Variants in MYO1E observed in about 807,000 individuals in gnomAD.
The protein encoded by MYO1E is unconventional myosin-Ie.
Under a neutral mutation model 151.1 loss-of-function variants are expected in MYO1E, and 68 were observed. The ratio of observed to expected loss-of-function variants is 0.45; its 90% CI spans 0.37 to 0.55. The LOEUF (loss-of-function observed/expected upper bound fraction) is 0.55. Ranked by LOEUF, MYO1E falls within the 20% of genes least tolerant of loss-of-function variation. The pLI is 0.00. For synonymous variants in MYO1E, 601 were observed against 501.7 expected (o/e 1.20, Z -2.64); for missense variants, 1,363 against 1,389.3 (o/e 0.98, Z 0.30).
At chr15:59,195,381 C>T (rs2079760112) in intron 17 of MYO1E, 80 bp downstream of exon 17, 1 of 1,261,322 alleles carries the variant, frequency 7.9e-7, no homozygotes, top group East Asian at 2.3e-5. Flanking sequence ...TGACACTGCT[C>T]CTGCCTGTGA....
intron 12 of MYO1E, among the ~76,000 whole-genome samples, chr15:59,212,271 G>A (rs2079883766): frequency 6.6e-6 from 1 of 151,988 alleles, no homozygotes; most frequent in African/African-American, 2.4e-5. Flanking sequence ...GGACTTAGAT[G>A]GCAATGGGAG....
At chr15:59,267,325 G>A (rs1392377898) in intron 2 of MYO1E, among the ~76,000 whole-genome samples, 3 of 151,642 alleles carry the variant, frequency 2.0e-5, no homozygotes, top group African/African-American at 7.3e-5. Flanking sequence ...GTGCCCAGCC[G>A]GTTAAAATCT....
chr15:59,220,086 T>TC (rs1448342243), intron 9 of MYO1E, among the ~76,000 whole-genome samples: 2 of 152,222 alleles, frequency 1.3e-5, no homozygotes, highest in Non-Finnish European at 2.9e-5. Flanking sequence ...TTGTTTAGCT[T>TC]CACAGCAACG....
intron 2 of MYO1E, among the ~76,000 whole-genome samples, chr15:59,267,660 T>TA (rs1329374820): frequency 6.6e-6 from 1 of 152,204 alleles, no homozygotes. Context: ...GGTCTTTGAG[T>TA]AAAAACAAGT....
At chr15:59,176,248 G>T (rs1374042090) in intron 19 of MYO1E, among the ~76,000 whole-genome samples, 1 of 152,132 alleles carries the variant, frequency 6.6e-6, no homozygotes, top group Non-Finnish European at 1.5e-5. Flanking sequence ...TTTTAGTAGA[G>T]ATGGGGTTTC....
intron 1 of MYO1E, among the ~76,000 whole-genome samples, chr15:59,340,517 C>T (rs1263541650): frequency 1.3e-5 from 2 of 152,034 alleles, no homozygotes; most frequent in African/African-American, 4.8e-5. Context: ...TTTTCTATGA[C>T]GTCACTCACT....
chr15:59,151,298 C>T (rs1175971292), intron 26 of MYO1E, among the ~76,000 whole-genome samples: 1 of 151,866 alleles, frequency 6.6e-6, no homozygotes, highest in African/African-American at 2.4e-5. Flanking sequence ...GGTGTGGTGG[C>T]ACGCACCTGT....
rs1596364166 is a variant in MYO1E at position 59,205,459 on chromosome 15, ACAAAAGCCATC to A, written c.1546_1556del (p.Asp516Ter). 1 of 1,614,210 alleles carries A rather than the reference ACAAAAGCCATC, an allele frequency of 6.2e-7. No homozygotes were observed. The highest frequency in any genetic ancestry group is 1.3e-5 in the African/African-American group (1 of 75,056). Reference sequence around the variant, plus strand: ...TAAAAAGCACATCCCGGTTCCTTTCACAAAAGCCATCCATGTCATAGGATACCTGGCCAAGA... The same window carrying A: ...TAAAAAGCACATCCCGGTTCCTTTCACATGTCATAGGATACCTGGCCAAGA... On this transcript the variant is annotated frameshift_variant, in exon 15 of 28. Transcript: ENST00000288235. LOFTEE classifies it high-confidence loss of function.
At chr15:59,319,886 G>C (rs113923686) in intron 1 of MYO1E, among the ~76,000 whole-genome samples, 4,996 of 152,048 alleles carry the variant, frequency 0.033, 266 homozygotes, top group African/African-American at 0.11. Context: ...TGGGCAACAA[G>C]AGCAAAACTC....
In MYO1E at chr15:59,223,105, G is replaced by A. The variant is rs369962506; in HGVS notation, c.864C>T (p.Ile288=). Residue 288 remains isoleucine (I), a synonymous_variant, in exon 9 of 28, where the codon ATC becomes ATT. Transcript: ENST00000288235. Reference sequence around the variant, plus strand: ...CGTAGTTGCCAACTTCTTTGAAGCTGATGTTTCCCAGGTGGAGAATACCCG... The same window carrying A: ...CGTAGTTGCCAACTTCTTTGAAGCTAATGTTTCCCAGGTGGAGAATACCCG... ...IVAGILHLGN[I]SFKEVGNYAA... The A allele has an allele frequency of 2.9e-5, 46 of 1,613,874 alleles. No homozygotes were observed. The highest frequency in any genetic ancestry group is 3.6e-5 in the Non-Finnish European group (43 of 1,180,018).
intron 1 of MYO1E, among the ~76,000 whole-genome samples, chr15:59,334,465 T>C (rs2080716527): frequency 2.7e-5 from 3 of 111,448 alleles, no homozygotes; most frequent in African/African-American, 8.6e-5. Context: ...TGTACGCATA[T>C]GTTGTTTTTC....
chr15:59,185,656 G>T (rs1330457206), intron 18 of MYO1E, among the ~76,000 whole-genome samples: 2 of 152,234 alleles, frequency 1.3e-5, no homozygotes, highest in African/African-American at 4.8e-5. Flanking sequence ...CAGGAGGACT[G>T]CTTAAGCCCA....
chr15:59,372,339 C>T (rs543381574), intron 1 of MYO1E, among the ~76,000 whole-genome samples, 159 bp downstream of exon 1: 1 of 152,242 alleles, frequency 6.6e-6, no homozygotes, highest in South Asian at 2.1e-4. Flanking sequence ...CCCGGGTTTA[C>T]GGAAAGCGGC....
At chr15:59,207,780 C>A (rs200716106) in intron 14 of MYO1E, 1 of 1,614,148 alleles carries the variant, frequency 6.2e-7, no homozygotes, top group South Asian at 1.1e-5. Flanking sequence ...AAAATGTCCA[C>A]AAAGAAGTGA....
chr15:59,326,594 C>T (rs1312656080), intron 1 of MYO1E, among the ~76,000 whole-genome samples: 3 of 152,274 alleles, frequency 2.0e-5, no homozygotes, highest in South Asian at 4.1e-4. Context: ...TTTTCAATGT[C>T]GTATCGACAC....
chr15:59,290,904 C>A (rs1186400047), intron 1 of MYO1E, among the ~76,000 whole-genome samples: 1 of 152,104 alleles, frequency 6.6e-6, no homozygotes, highest in Non-Finnish European at 1.5e-5. Flanking sequence ...TATCTCAAAG[C>A]AGTAATAGTA....
In MYO1E at chr15:59,138,258, C is replaced by T. The variant is rs772908966; in HGVS notation, c.3190G>A (p.Ala1064Thr). The T allele has an allele frequency of 3.1e-6, 5 of 1,614,194 alleles. No individual in the cohort carries two copies. Among genetic ancestry groups the T allele is most frequent in the East Asian group, 4.5e-5 (2 of 44,888 alleles). The stretch of plus-strand genomic sequence containing the variant: ...AAGCTGAGTTCGTCTGTGTCCTGAG[C>T]GTCATAGGCATACAAAGCCTTGCAC... ...PQCKALYAYD[A>T]QDTDELSFNA... is the part of the protein sequence containing the mutation. The change falls in exon 27 of 28, where the codon GCT (alanine) becomes ACT (threonine). Residue 1064 changes from alanine to threonine, a missense_variant. Ala to Thr is a moderately conservative substitution (Grantham distance 58). Transcript: ENST00000288235.
chr15:59,299,861 G>C (rs1200010153), intron 1 of MYO1E, among the ~76,000 whole-genome samples: 4 of 152,124 alleles, frequency 2.6e-5, no homozygotes, highest in Admixed American at 6.6e-5. Flanking sequence ...AAATTAAGTT[G>C]ATTAGATTTT....
chr15:59,231,914 T>A, intron 5 of MYO1E, 123 bp from the exon 6 acceptor site: 3 of 827,598 alleles, frequency 3.6e-6, no homozygotes, highest in Non-Finnish European at 6.1e-6. Context: ...CACCCGTGTG[T>A]CACTGGTGGG....
Sources: gnomAD v4.1 joint callset for allele counts (sites outside exome capture counted in the v4.1 genomes callset) on GRCh38, gnomAD v4.1.1 for gene constraint, MANE v1.5 for transcripts, NCBI Gene and HGNC (gene_info 2026-07-23, HGNC 2026-07-21) for gene names.